Variants in MBNL2 observed in about 807,000 individuals in gnomAD.
MBNL2 encodes the protein muscleblind like splicing regulator 2, also known as muscleblind-like protein 2.
MBNL2 carries 17 observed loss-of-function variants against 41.9 expected under a neutral mutation model. The observed-to-expected ratio is 0.41, with a 90% CI of 0.28 to 0.61. The LOEUF (loss-of-function observed/expected upper bound fraction) is 0.61, where lower values mean the gene tolerates loss of function less well. Ranked by LOEUF, MBNL2 falls within the 20% of genes least tolerant of loss-of-function variation. The probability of loss-of-function intolerance (pLI) is 0.35; values close to 1 mark genes in which losing one functional copy is unlikely to be tolerated. For synonymous variants in MBNL2, 195 were observed against 182.9 expected (o/e 1.07, Z -0.53); for missense variants, 336 against 505.6 (o/e 0.66, Z 3.22).
intron 2 of MBNL2, among the ~76,000 whole-genome samples, chr13:97,321,512 A>G (rs1027306678): frequency 6.6e-6 from 1 of 152,180 alleles, no homozygotes; most frequent in Non-Finnish European, 1.5e-5. Context: ...TGAGCCAAAA[A>G]TCTGTAACCC....
chr13:97,369,008 A>G (rs1594277427), intron 8 of MBNL2, among the ~76,000 whole-genome samples: 1 of 152,202 alleles, frequency 6.6e-6, no homozygotes, highest in Non-Finnish European at 1.5e-5. Context: ...ATGATGAAGA[A>G]GAGAAATCCT....
intron 1 of MBNL2, among the ~76,000 whole-genome samples, chr13:97,245,357 G>A (rs368298656): frequency 1.3e-5 from 2 of 152,116 alleles, no homozygotes; most frequent in South Asian, 2.1e-4. Flanking sequence ...CAGGATAGGG[G>A]GAAGGGAGGA....
chr13:97,327,433 T>G (rs1454601014), intron 2 of MBNL2, among the ~76,000 whole-genome samples: 1 of 151,946 alleles, frequency 6.6e-6, no homozygotes, highest in Non-Finnish European at 1.5e-5. Context: ...GATAACAATT[T>G]ACGTTTCTTC....
chr13:97,182,214 A>G, the MBNL2 span, among the ~76,000 whole-genome samples: 2 of 152,274 alleles, frequency 1.3e-5, no homozygotes, highest in African/African-American at 4.8e-5. Flanking sequence ...TACCTTATAT[A>G]CTGATGACTC....
intron 2 of MBNL2, among the ~76,000 whole-genome samples, chr13:97,331,609 T>C (rs1329129999): frequency 6.6e-6 from 1 of 152,218 alleles, no homozygotes; most frequent in Non-Finnish European, 1.5e-5. Flanking sequence ...TAAAATCTAG[T>C]TCTACCACTT....
intron 3 of MBNL2, among the ~76,000 whole-genome samples, chr13:97,340,200 A>G (rs1433864612): frequency 6.6e-6 from 1 of 152,226 alleles, no homozygotes; most frequent in Non-Finnish European, 1.5e-5. Context: ...ATTAACACGG[A>G]GTGAGCCTCT....
chr13:97,346,746 G>T lies in MBNL2; in HGVS notation c.541-58G>T, dbSNP rs927347625. On this transcript the variant is annotated intron_variant, in intron 4 of 8. Transcript: ENST00000679496. This position sits in a 1 kb window ranked among gnomAD's most constrained non-coding sequence, Gnocchi z 4.2. ...CGCTCCTCCCGCGGTGGCCGGGGCC[G>T]CAGGGGCGCCTGGGCTCAGGCTTGC... 54 of 1,525,236 alleles carry T rather than the reference G, an allele frequency of 3.5e-5. No individual in the cohort carries two copies. Among genetic ancestry groups the T allele is most frequent in the Non-Finnish European group, 4.6e-5 (51 of 1,116,238 alleles). 94.5% of individuals were successfully genotyped at this position (1,525,236 alleles called of 1,614,324 possible).
intron 1 of MBNL2, among the ~76,000 whole-genome samples, chr13:97,245,178 T>A (rs1478450881): frequency 6.6e-6 from 1 of 152,198 alleles, no homozygotes; most frequent in Admixed American, 6.5e-5. Flanking sequence ...TAATAAATAG[T>A]TCAAAAGTAA....
At chr13:97,299,654 A>ATCTATCTG (rs2057414960) in intron 2 of MBNL2, among the ~76,000 whole-genome samples, 1 of 148,280 alleles carries the variant, frequency 6.7e-6, no homozygotes, top group African/African-American at 2.6e-5. Flanking sequence ...TACTATATCT[A>ATCTATCTG]TCTATCTATC....
chr13:97,341,645 C>A (rs1252043726), intron 3 of MBNL2, among the ~76,000 whole-genome samples: 2 of 152,094 alleles, frequency 1.3e-5, no homozygotes, highest in Non-Finnish European at 2.9e-5. Flanking sequence ...TGAGCCAGGA[C>A]CCCTCTAAGA....
chr13:97,377,042 A>G (rs1342176804), intron 8 of MBNL2, among the ~76,000 whole-genome samples: 2 of 152,172 alleles, frequency 1.3e-5, no homozygotes, highest in African/African-American at 2.4e-5. Context: ...TCCAGGGCAT[A>G]CAGACAGCGA....
intron 7 of MBNL2, among the ~76,000 whole-genome samples, chr13:97,361,821 G>C (rs2063426091): frequency 7.5e-6 from 1 of 133,206 alleles, no homozygotes; most frequent in African/African-American, 2.8e-5. Context: ...CCAGGCTGGA[G>C]TGCAGTGGCA....
chr13:97,181,857 G>A, the MBNL2 span, among the ~76,000 whole-genome samples: 3 of 152,246 alleles, frequency 2.0e-5, no homozygotes, highest in Admixed American at 2.0e-4. Flanking sequence ...ACTTGTGAAA[G>A]CTTTGTTTCC....
rs572322214 is a variant in MBNL2, at chr13:97,226,216, GT to G, written c.-605+3686del. Among the ~76,000 whole-genome samples, 138 of 152,334 alleles carry G rather than the reference GT, an allele frequency of 9.1e-4. 2 individuals carry two copies. Among genetic ancestry groups the G allele is most frequent in the Middle Eastern group, 3.4e-3 (1 of 294 alleles). On this transcript the variant is annotated intron_variant, in intron 1 of 8. Transcript: ENST00000679496. The stretch of plus-strand genomic sequence containing the variant: ...CTGAGAGTAAAAACAGGTGTGAAAG[GT>G]AAGGCCTAAGGGTTTCTTTTGTAAA...
At chr13:97,251,305 T>C (rs2046450669) in intron 1 of MBNL2, among the ~76,000 whole-genome samples, 1 of 151,866 alleles carries the variant, frequency 6.6e-6, no homozygotes, top group South Asian at 2.1e-4. Flanking sequence ...AGGTGATGGC[T>C]ACCCAATTTA....
At chr13:97,167,559 C>T in the MBNL2 span, among the ~76,000 whole-genome samples, 191 of 152,182 alleles carry the variant, frequency 1.3e-3, no homozygotes, top group African/African-American at 4.5e-3. Flanking sequence ...TAAAATTAAC[C>T]TCAAATTGGA....
At chr13:97,153,096 C>T in the MBNL2 span, among the ~76,000 whole-genome samples, 6 of 152,060 alleles carry the variant, frequency 3.9e-5, no homozygotes, top group East Asian at 1.2e-3. Flanking sequence ...CCAAGCAGCA[C>T]CCCTCCAAAT....
chr13:97,242,766 CTTT>C (rs75897334), intron 1 of MBNL2, among the ~76,000 whole-genome samples: 1 of 144,746 alleles, frequency 6.9e-6, no homozygotes, highest in African/African-American at 2.5e-5. Context: ...TTACTTGTTC[CTTT>C]TTTTTTTTTT....
chr13:97,228,489 T>A lies in MBNL2; in HGVS notation c.-605+5958T>A, dbSNP rs375296776. ...TACTAGTGATAGTAACATATATATA[T>A]CTTACATGTATATATAATTTCAGTT... On this transcript the variant is annotated intron_variant, in intron 1 of 8. Transcript: ENST00000679496. 5.9e-5 allele frequency among the ~76,000 whole-genome samples: 9 copies of A among 151,908 alleles called. No homozygotes were observed. In the East Asian group the frequency reaches 1.4e-3, roughly 23 times the overall value.
Sources: allele counts gnomAD v4.1 joint callset (sites outside exome capture counted in the v4.1 genomes callset), GRCh38; gene constraint gnomAD v4.1.1; non-coding constraint Gnocchi (gnomAD v3.1); transcripts MANE v1.5; gene names NCBI Gene and HGNC (gene_info 2026-07-23, HGNC 2026-07-21).